The following FAM240B variants were observed in gnomAD, a reference collection of about 807,000 sequenced individuals.
FAM240B encodes the protein family with sequence similarity 240 member B.
At chr9:38,694,892 A>C in intron 2 of FAM240B, 23 bp from the exon 3 acceptor site, 1 of 398,652 alleles carries the variant, frequency 2.5e-6, no homozygotes, top group Non-Finnish European at 4.4e-6. Flanking sequence ...AACCGTGCAC[A>C]TGCTCAGTGC....
At chr9:38,704,800 C>G (rs532816882) in intron 1 of FAM240B, among the ~76,000 whole-genome samples, 2 of 152,302 alleles carry the variant, frequency 1.3e-5, no homozygotes, top group Middle Eastern at 3.4e-3. Context: ...AGCTCTGTCT[C>G]CACTCACTGT....
At chr9:38,709,764 G>GT (rs1373547001) in intron 1 of FAM240B, among the ~76,000 whole-genome samples, 1 of 152,212 alleles carries the variant, frequency 6.6e-6, no homozygotes, top group Admixed American at 6.5e-5. Flanking sequence ...CTAAAGATCT[G>GT]TAAGATTAAG....
intron 2 of FAM240B, among the ~76,000 whole-genome samples, chr9:38,695,989 TCAAA>T (rs1201827317): frequency 2.6e-5 from 4 of 152,190 alleles, no homozygotes; most frequent in African/African-American, 9.7e-5. Flanking sequence ...GTATCTATAT[TCAAA>T]CAATGGGCTT....
chr9:38,701,352 AG>A (rs372621486), intron 2 of FAM240B, among the ~76,000 whole-genome samples: 14 of 152,264 alleles, frequency 9.2e-5, no homozygotes, highest in Middle Eastern at 6.8e-3. Context: ...ATTTAAGCAA[AG>A]GGGGGCTCTG....
At chr9:38,701,142 AG>A (rs1272034825) in intron 2 of FAM240B, among the ~76,000 whole-genome samples, 2 of 152,156 alleles carry the variant, frequency 1.3e-5, no homozygotes, top group Non-Finnish European at 2.9e-5. Flanking sequence ...GAATTTAAAA[AG>A]GTCTGTGTGT....
chr9:38,708,374 A>G (rs73646237), intron 1 of FAM240B, among the ~76,000 whole-genome samples: 2,298 of 152,046 alleles, frequency 0.015, 49 homozygotes, highest in African/African-American at 0.053. Flanking sequence ...CAGGCTCGCT[A>G]TTGCTGTCAT....
At position 38,704,011 on chromosome 9, in the gene FAM240B, T is replaced by C. The variant is rs1821160479; in HGVS notation, c.-3-9A>G. 2.5e-6 allele frequency: 1 copy of C among 397,982 alleles called. No homozygotes were observed. The highest frequency in any genetic ancestry group is 4.4e-6 in the Non-Finnish European group (1 of 224,992). 24.7% of individuals were successfully genotyped at this position (397,982 alleles called of 1,614,324 possible). Reference sequence around the variant, plus strand: ...TATTGATTGTTCATCCCCTGAAATATACAAGTAAAGCAAATCCCACTTCTT... The same window carrying C: ...TATTGATTGTTCATCCCCTGAAATACACAAGTAAAGCAAATCCCACTTCTT... On this transcript the variant is annotated splice_polypyrimidine_tract_variant and intron_variant, in intron 1 of 2. Transcript: ENST00000637493.
At chr9:38,715,810 C>T (rs190470661) in intron 1 of FAM240B, among the ~76,000 whole-genome samples, 137 of 152,198 alleles carry the variant, frequency 9.0e-4, no homozygotes, top group Non-Finnish European at 1.6e-3. Flanking sequence ...CCCCATGGAC[C>T]ATGTAGCTAA....
intron 1 of FAM240B, among the ~76,000 whole-genome samples, chr9:38,719,645 C>T (rs1821349221): frequency 6.6e-6 from 1 of 152,156 alleles, no homozygotes; most frequent in Non-Finnish European, 1.5e-5. Flanking sequence ...CTTCCATGAT[C>T]CAGCATCTAC....
At chr9:38,698,276 C>T (rs1044159939) in intron 2 of FAM240B, among the ~76,000 whole-genome samples, 21 of 152,160 alleles carry the variant, frequency 1.4e-4, no homozygotes, top group Admixed American at 7.9e-4. Flanking sequence ...TTATCTTCAA[C>T]GACATGACTT....
chr9:38,711,509 C>A (rs914333499), intron 1 of FAM240B, among the ~76,000 whole-genome samples: 4 of 152,230 alleles, frequency 2.6e-5, no homozygotes, highest in Admixed American at 6.5e-5. Flanking sequence ...AGCTTCCTCC[C>A]GTTCCTCTTT....
chr9:38,716,832 G>A (rs1260761551), intron 1 of FAM240B, among the ~76,000 whole-genome samples: 1 of 152,200 alleles, frequency 6.6e-6, no homozygotes, highest in African/African-American at 2.4e-5. Context: ...CAAAATAGCT[G>A]CGTTTTCAGA....
intron 1 of FAM240B, among the ~76,000 whole-genome samples, chr9:38,713,163 C>T (rs1564001764): frequency 6.6e-6 from 1 of 152,078 alleles, no homozygotes; most frequent in Non-Finnish European, 1.5e-5. Flanking sequence ...TGAGTAGGCT[C>T]ATAAACATCA....
At chr9:38,713,533 A>G (rs1821279626) in intron 1 of FAM240B, among the ~76,000 whole-genome samples, 3 of 151,874 alleles carry the variant, frequency 2.0e-5, no homozygotes, top group South Asian at 4.2e-4. Flanking sequence ...CTGTTCAAGA[A>G]CTAGATTTCA....
intron 1 of FAM240B, among the ~76,000 whole-genome samples, chr9:38,711,129 G>A (rs1176609154): frequency 1.3e-5 from 2 of 152,300 alleles, no homozygotes; most frequent in Admixed American, 1.3e-4. Flanking sequence ...ATGATTCTCT[G>A]CGCATCACAT....
At chr9:38,719,027 C>T (rs1437342528) in intron 1 of FAM240B, among the ~76,000 whole-genome samples, 1 of 152,028 alleles carries the variant, frequency 6.6e-6, no homozygotes, top group Non-Finnish European at 1.5e-5. Flanking sequence ...CATTGAGGTC[C>T]ATCTGGCTCT....
At chr9:38,702,454 G>A (rs998202839) in intron 2 of FAM240B, among the ~76,000 whole-genome samples, 2 of 152,238 alleles carry the variant, frequency 1.3e-5, no homozygotes, top group African/African-American at 4.8e-5. Context: ...GAGAACACAT[G>A]ACTACCATTC....
At chr9:38,704,342 T>C (rs948342372) in intron 1 of FAM240B, among the ~76,000 whole-genome samples, 1 of 152,192 alleles carries the variant, frequency 6.6e-6, no homozygotes, top group African/African-American at 2.4e-5. Flanking sequence ...AGAAAAATTA[T>C]AGAAATGAAA....
chr9:38,697,991 G>C (rs1421496938), intron 2 of FAM240B, among the ~76,000 whole-genome samples: 2 of 152,212 alleles, frequency 1.3e-5, no homozygotes, highest in Non-Finnish European at 2.9e-5. Flanking sequence ...TTGAAATATA[G>C]CCCTGCCCAC....
Sources: gnomAD v4.1 joint callset for allele counts (sites outside exome capture counted in the v4.1 genomes callset) on GRCh38, gnomAD v4.1.1 for gene constraint, MANE v1.5 for transcripts, NCBI Gene and HGNC (gene_info 2026-07-23, HGNC 2026-07-21) for gene names.